The following KCNT1 variants were observed in gnomAD, a reference collection of about 807,000 sequenced individuals.
KCNT1 encodes the protein potassium channel subfamily T member 1.
In KCNT1, 78 loss-of-function variants were observed where a neutral mutation model predicts 147.8. The observed-to-expected ratio is 0.53, with a 90% CI of 0.44 to 0.64. KCNT1 has a LOEUF of 0.64. Among genes scored for constraint, KCNT1 ranks in the 30% least tolerant of loss-of-function variants. The probability of loss-of-function intolerance (pLI) is 0.00; values close to 1 mark genes in which losing one functional copy is unlikely to be tolerated. For synonymous variants in KCNT1, 867 were observed against 748.8 expected (o/e 1.16, Z -2.58); for missense variants, 1,419 against 1,750.3 (o/e 0.81, Z 3.38).
rs750994724 is a variant in KCNT1 at position 135,772,750 on chromosome 9, C to T, written c.2044C>T (p.Arg682Trp). The change falls in exon 19 of 31, where the codon CGG (arginine) becomes TGG (tryptophan). Residue 682 changes from arginine (R) to tryptophan (W), a missense_variant. Physicochemically the swap from Arg to Trp is moderately radical, Grantham distance 101. This residue lies in a region of KCNT1 where 284 missense variants were observed against 292.8 expected (regional missense o/e 0.97). Coordinates refer to ENST00000371757, the MANE Select transcript of KCNT1 (RefSeq NM_020822.3). ...VAMDLQGTEH[R>W]PTQSGGGGGG... ...CATGGACCTGCAGGGCACAGAGCAC[C>T]GGCCTACGCAGAGCGGCGGTGGGGG... 1.3e-5 allele frequency: 19 copies of T among 1,441,830 alleles called. 1 individual carries two copies. The highest frequency in any genetic ancestry group is 1.8e-4 in the Middle Eastern group (1 of 5,530). The allele number at this position is 1,441,830 out of a possible 1,614,324, so 89.3% of individuals were successfully genotyped here.
chr9:135,763,487 C>G (rs1199591631), intron 11 of KCNT1, among the ~76,000 whole-genome samples: 1 of 152,324 alleles, frequency 6.6e-6, no homozygotes, highest in Non-Finnish European at 1.5e-5. Context: ...TATGTATCCT[C>G]CGCCAGCCCT....
chr9:135,769,313 G>A (rs186205037), intron 15 of KCNT1, among the ~76,000 whole-genome samples: 3 of 150,092 alleles, frequency 2.0e-5, no homozygotes, highest in Non-Finnish European at 4.4e-5. Flanking sequence ...GTGTGCACAC[G>A]TGGGTGACGG....
intron 2 of KCNT1, among the ~76,000 whole-genome samples, chr9:135,735,574 G>A (rs959773864): frequency 5.3e-5 from 8 of 152,300 alleles, no homozygotes; most frequent in East Asian, 1.9e-4. Context: ...AGCCGGCTCC[G>A]GGAGGGCTTC....
At position 135,784,907 on chromosome 9, in the gene KCNT1, G is replaced by A; in HGVS notation, c.3156+18G>A. On this transcript the variant is annotated intron_variant, in intron 27 of 30. Transcript: ENST00000371757. ...CCTCGGAGGTTCTGGGGCAGCCTGG[G>A]GGCTGGGACTGTGGCAGCCCCTGTC... The A allele has an allele frequency of 6.2e-7, 1 of 1,610,466 alleles. No homozygotes were observed. The highest frequency in any genetic ancestry group is 8.5e-7 in the Non-Finnish European group (1 of 1,179,460).
intron 2 of KCNT1, among the ~76,000 whole-genome samples, chr9:135,725,397 A>C (rs1836093800): frequency 1.3e-5 from 2 of 152,174 alleles, no homozygotes; most frequent in African/African-American, 2.4e-5. Flanking sequence ...ATACGAAGAG[A>C]AGGAACAAAC....
chr9:135,703,760 C>T (rs1018899384), intron 1 of KCNT1, among the ~76,000 whole-genome samples: 4 of 152,226 alleles, frequency 2.6e-5, no homozygotes, highest in Non-Finnish European at 4.4e-5. Context: ...CTGGGCCTGA[C>T]CTGCTCCAGA....
chr9:135,724,654 G>A (rs776914404), intron 2 of KCNT1, among the ~76,000 whole-genome samples: 2 of 152,234 alleles, frequency 1.3e-5, no homozygotes, highest in Non-Finnish European at 2.9e-5. Flanking sequence ...CAGTGGAAGT[G>A]TATCCTATCC....
At chr9:135,770,574 C>A in intron 17 of KCNT1, 127 bp downstream of exon 17, 1 of 1,237,328 alleles carries the variant, frequency 8.1e-7, no homozygotes, top group Non-Finnish European at 1.1e-6. Flanking sequence ...GGGAGGGCAT[C>A]AGGTCATCCT....
chr9:135,778,729 A>G lies in KCNT1; in HGVS notation c.2636A>G (p.Asn879Ser). The G allele has an allele frequency of 6.2e-7, 1 of 1,613,678 alleles. No individual in the cohort carries two copies. Among genetic ancestry groups the G allele is most frequent in the South Asian group, 1.1e-5 (1 of 91,080 alleles). ...LLQCGIIYAD[N>S]LVVVDKESTM... The stretch of plus-strand genomic sequence containing the variant: ...CAGTGTGGCATCATCTATGCGGACA[A>G]CCTGGTGGTGGTGGACAAGGAGAGC... Residue 879 changes from asparagine (N) to serine (S), a missense_variant, in exon 23 of 31, where the codon AAC (asparagine) becomes AGC (serine). Around this residue, in one of 5 missense-constraint regions of KCNT1, gnomAD observed 247 missense variants for 397.1 expected, o/e 0.62. Transcript: ENST00000371757.
At chr9:135,741,056 G>A (rs992504347) in intron 2 of KCNT1, among the ~76,000 whole-genome samples, 1 of 152,172 alleles carries the variant, frequency 6.6e-6, no homozygotes, top group Admixed American at 6.5e-5. Context: ...CCCTCCCCTT[G>A]GGAGTCCCTG....
chr9:135,790,769 G>A (rs2131599679), intron 29 of KCNT1: 1 of 152,626 alleles, frequency 6.6e-6, no homozygotes, highest in African/African-American at 2.4e-5. Flanking sequence ...CCCGTCCTGG[G>A]TCACCTTTGT....
intron 1 of KCNT1, chr9:135,702,952 C>G (rs1835095244): frequency 6.5e-6 from 1 of 154,098 alleles, no homozygotes; most frequent in Non-Finnish European, 1.4e-5. Flanking sequence ...GAGGAGAGGG[C>G]CAGTTGAGAA....
rs145892556 is a variant in KCNT1, at chr9:135,780,907, G to C, written c.2841+1437G>C. Among the ~76,000 whole-genome samples, 62 of 152,334 alleles carry C rather than the reference G, an allele frequency of 4.1e-4. 1 individual carries two copies. The highest frequency in any genetic ancestry group is 7.2e-4 in the Admixed American group (11 of 15,310). On this transcript the variant is annotated intron_variant, in intron 24 of 30. Coordinates refer to ENST00000371757, the MANE Select transcript of KCNT1 (RefSeq NM_020822.3). ...ATGCTGCCGTGGAGTCGGGGTCGAG[G>C]CAGTCATCCTGGCGCGGCTCCTCCG...
In KCNT1 at chr9:135,777,530, G is replaced by GGCCCCCCCCCCCCCCCC; in HGVS notation, c.2522+20_2522+21insGCCCCCCCCCCCCCCCC. The GGCCCCCCCCCCCCCCCC allele has an allele frequency of 6.3e-7, 1 of 1,588,548 alleles. No homozygotes were observed. ...CAACAAGTGAGGCTCCTGGGGCTCA[G>GGCCCCCCCCCCCCCCCC]CCCACCCCGCCCACCCGGGCCCTCA... On this transcript the variant is annotated intron_variant, in intron 21 of 30. Coordinates refer to ENST00000371757, the MANE Select transcript of KCNT1 (RefSeq NM_020822.3).
chr9:135,787,554 G>A (rs1033990338), intron 29 of KCNT1, among the ~76,000 whole-genome samples: 1 of 152,182 alleles, frequency 6.6e-6, no homozygotes, highest in African/African-American at 2.4e-5. Flanking sequence ...TGAGTCCCCT[G>A]AGCAGAGTCA....
intron 2 of KCNT1, among the ~76,000 whole-genome samples, chr9:135,727,768 G>C (rs1053664053): frequency 6.6e-6 from 1 of 152,238 alleles, no homozygotes; most frequent in South Asian, 2.1e-4. Context: ...GGGCCCACAG[G>C]GGAGCAAAGG....
At chr9:135,741,752 TCCTG>T (rs1475804766) in intron 2 of KCNT1, among the ~76,000 whole-genome samples, 1 of 152,246 alleles carries the variant, frequency 6.6e-6, no homozygotes, top group Non-Finnish European at 1.5e-5. Flanking sequence ...GCTTCCTCCT[TCCTG>T]CCTGTGTGGC....
intron 28 of KCNT1, 86 bp from the exon 29 acceptor site, chr9:135,786,111 A>G: frequency 8.0e-7 from 1 of 1,251,754 alleles, no homozygotes. Context: ...CAGAGCCCAC[A>G]CCTCTTCCTA....
At chr9:135,711,003 C>T (rs1365174579) in intron 1 of KCNT1, among the ~76,000 whole-genome samples, 2 of 152,124 alleles carry the variant, frequency 1.3e-5, no homozygotes, top group Admixed American at 6.5e-5. Context: ...TCCTGCTCTC[C>T]ATGGTGCTCC....
Sources: allele counts gnomAD v4.1 joint callset (sites outside exome capture counted in the v4.1 genomes callset), GRCh38; gene constraint gnomAD v4.1.1; regional missense constraint gnomAD v4.1.1; transcripts MANE v1.5; gene names NCBI Gene and HGNC (gene_info 2026-07-23, HGNC 2026-07-21).